DNM2: variants seen among roughly 807,000 people sequenced by gnomAD.
The protein encoded by DNM2 is dynamin 2.
DNM2 carries 15 observed loss-of-function variants against 99.0 expected under a neutral mutation model. The observed-to-expected ratio is 0.15, with a 90% CI of 0.10 to 0.23. The LOEUF (loss-of-function observed/expected upper bound fraction) is 0.23. DNM2 is among the 10% of genes least tolerant of loss of function. The pLI, the probability that DNM2 is intolerant of heterozygous loss-of-function variation, is 1.00. For missense variants in DNM2, 742 were observed against 1,189.4 expected, an observed-to-expected ratio of 0.62 and a Z score of 5.53; for synonymous variants, 525 against 481.2, an observed-to-expected ratio of 1.09 and a Z score of -1.19.
rs1390382505 is a variant in DNM2 at position 10,812,753 on chromosome 19, C to G, written c.1671+376C>G. ...AGTGAGCCGAGATTGCGCCACTGCA[C>G]TCCAGCCTGGGCGAGAGAGCGAGAC... On this transcript the variant is annotated intron_variant, in intron 15 of 20. Transcript: ENST00000389253. This position sits in a 1 kb window ranked among gnomAD's most constrained non-coding sequence, Gnocchi z 4.0. Among the ~76,000 whole-genome samples, 1 of 152,168 alleles carries G rather than the reference C, an allele frequency of 6.6e-6. No individual in the cohort carries two copies. The highest frequency in any genetic ancestry group is 1.5e-5 in the Non-Finnish European group (1 of 68,034).
chr19:10,785,974 T>C (rs1006932817), intron 6 of DNM2, among the ~76,000 whole-genome samples: 3 of 151,936 alleles, frequency 2.0e-5, no homozygotes, highest in African/African-American at 7.3e-5. Context: ...AATTTTTGTA[T>C]TTTTTGGTAG....
chr19:10,749,426 C>T (rs966437935), intron 1 of DNM2, among the ~76,000 whole-genome samples: 3 of 152,246 alleles, frequency 2.0e-5, no homozygotes, highest in African/African-American at 4.8e-5. Flanking sequence ...CTTCCTGGAG[C>T]GCTTATCCCC....
intron 15 of DNM2, among the ~76,000 whole-genome samples, chr19:10,819,503 C>T (rs1282847433): frequency 1.3e-5 from 2 of 152,186 alleles, no homozygotes; most frequent in Non-Finnish European, 2.9e-5. Flanking sequence ...GTTGTGCGTG[C>T]CGTCAGCCAC....
intron 5 of DNM2, among the ~76,000 whole-genome samples, chr19:10,779,357 A>G (rs985063483): frequency 1.3e-5 from 2 of 152,058 alleles, no homozygotes; most frequent in Middle Eastern, 3.4e-3. Flanking sequence ...CCCACTTTCA[A>G]CGTGCCCAGC....
chr19:10,788,092 G>A (rs920635418), intron 7 of DNM2, among the ~76,000 whole-genome samples: 7 of 152,008 alleles, frequency 4.6e-5, no homozygotes, highest in Non-Finnish European at 1.0e-4. Context: ...AATTAGCCAG[G>A]TGTGGTGGCA....
At chr19:10,822,834 C>T (rs1271836228) in intron 16 of DNM2, among the ~76,000 whole-genome samples, 1 of 143,770 alleles carries the variant, frequency 7.0e-6, no homozygotes, top group South Asian at 2.6e-4. Context: ...AGGCCGGGCA[C>T]GGGGGCTCAC....
intron 1 of DNM2, among the ~76,000 whole-genome samples, chr19:10,759,035 G>A (rs975865460): frequency 2.0e-5 from 3 of 151,878 alleles, no homozygotes; most frequent in East Asian, 1.9e-4. Context: ...TCAGCCTCCC[G>A]GGCTCATGCC....
rs2072467719 is a variant in DNM2, at chr19:10,809,549, G to A, written c.1557+969G>A. ...CCAGTGTGGGGCGTGAGATGGGCGT[G>A]AGGCCCAGTCCAGCCCAGCCCAGCG... On this transcript the variant is annotated intron_variant, in intron 14 of 20. Transcript: ENST00000389253. 2.0e-5 allele frequency: 3 copies of A among 152,468 alleles called. No homozygotes were observed. In the South Asian group the frequency reaches 6.2e-4, roughly 31 times the overall value. 9.4% of individuals were successfully genotyped at this position (152,468 alleles called of 1,614,324 possible).
chr19:10,794,344 C>CGT (rs58263525), intron 8 of DNM2, among the ~76,000 whole-genome samples: 8,645 of 141,620 alleles, frequency 0.061, 304 homozygotes, highest in African/African-American at 0.077. Context: ...CTTCTTTTTC[C>CGT]GTGTGTGTGT....
rs1463156181 is a variant in DNM2 at position 10,811,629 on chromosome 19, T to C, written c.1558-635T>C. On this transcript the variant is annotated intron_variant, in intron 14 of 20. Transcript: ENST00000389253. This position sits in a 1 kb window ranked among gnomAD's most constrained non-coding sequence, Gnocchi z 5.4. ...ACATGCCTCCAGCGGCCAGGGAGCA[T>C]GGGAGCACAGCCCCCAGGCTGCCTG... 4.2e-6 allele frequency: 2 copies of C among 475,320 alleles called. No homozygotes were observed. The highest frequency in any genetic ancestry group is 3.9e-5 in the African/African-American group (2 of 50,844). 29.4% of individuals were successfully genotyped at this position (475,320 alleles called of 1,614,324 possible). A position where few individuals can be genotyped will look rare whatever the true frequency, so the allele number is the denominator to read the frequency against.
At chr19:10,797,623 TC>T in intron 10 of DNM2, 105 bp downstream of exon 10, 2 of 1,550,404 alleles carry the variant, frequency 1.3e-6, no homozygotes, top group Non-Finnish European at 1.8e-6. Flanking sequence ...GGAACCCCCT[TC>T]CGCCTACCAG....
intron 2 of DNM2, among the ~76,000 whole-genome samples, chr19:10,767,340 C>T (rs1268802476): frequency 6.6e-6 from 1 of 152,194 alleles, no homozygotes; most frequent in Non-Finnish European, 1.5e-5. Context: ...GGTCTCTGGC[C>T]TCCCCTTGTC....
intron 1 of DNM2, among the ~76,000 whole-genome samples, chr19:10,731,439 A>G (rs2069313308): frequency 7.1e-6 from 1 of 141,050 alleles, no homozygotes; most frequent in Non-Finnish European, 1.5e-5. Context: ...TGCAACCTCC[A>G]CCTCCTGGGT....
At chr19:10,757,943 CAAAAAAAAAAAA>C (rs762600168) in intron 1 of DNM2, among the ~76,000 whole-genome samples, 1 of 65,420 alleles carries the variant, frequency 1.5e-5, no homozygotes, top group Non-Finnish European at 3.4e-5. Flanking sequence ...AGCTCTGTCT[CAAAAAAAAAAAA>C]AAAAAAAAAA....
At chr19:10,747,546 G>A (rs1359256192) in intron 1 of DNM2, among the ~76,000 whole-genome samples, 5 of 152,146 alleles carry the variant, frequency 3.3e-5, no homozygotes, top group African/African-American at 1.2e-4. Context: ...TGGGAATGTT[G>A]GGGAGGAGTG....
At position 10,820,159 on chromosome 19, in the gene DNM2, TC is replaced by T. The variant is rs2072926715; in HGVS notation, c.1781+71del. On this transcript the variant is annotated intron_variant, in intron 16 of 20. Coordinates refer to ENST00000389253, the MANE Select transcript of DNM2 (RefSeq NM_001005361.3). The surrounding 1 kb of genome is among the most constrained non-coding windows in gnomAD (Gnocchi z 4.3). ...TGGCCTCATTCACACTCCACAACCT[TC>T]ACTGAGCACTGAGCACCTGGCTGTC... The T allele has an allele frequency of 6.8e-7, 1 of 1,469,384 alleles. No individual in the cohort carries two copies. The highest frequency in any genetic ancestry group is 1.4e-5 in the African/African-American group (1 of 71,346). The allele number at this position is 1,469,384 out of a possible 1,614,324, so 91.0% of individuals were successfully genotyped here.
chr19:10,759,726 C>T lies in DNM2; in HGVS notation c.162-12C>T, dbSNP rs746299224. ...CGCAAGAGTAATTTCTGTCCCTCTC[C>T]CCCCCTCACAGGGACTTCCTTCCCC... On this transcript the variant is annotated splice_polypyrimidine_tract_variant and intron_variant, in intron 1 of 20. Coordinates refer to ENST00000389253, the MANE Select transcript of DNM2 (RefSeq NM_001005361.3). 15 of 1,613,976 alleles carry T rather than the reference C, an allele frequency of 9.3e-6. No individual in the cohort carries two copies. The highest frequency in any genetic ancestry group is 1.7e-5 in the Admixed American group (1 of 59,992).
chr19:10,767,626 C>G (rs1057084922), intron 2 of DNM2, among the ~76,000 whole-genome samples: 2 of 151,798 alleles, frequency 1.3e-5, no homozygotes, highest in Non-Finnish European at 2.9e-5. Context: ...CTCTATTGGG[C>G]TGGGCATGAT....
intron 16 of DNM2, among the ~76,000 whole-genome samples, chr19:10,821,492 T>G (rs957824744): frequency 6.6e-6 from 1 of 152,082 alleles, no homozygotes; most frequent in African/African-American, 2.4e-5. Flanking sequence ...CCACCTGATA[T>G]GCAGAAGCCG....
Sources: allele counts gnomAD v4.1 joint callset (sites outside exome capture counted in the v4.1 genomes callset), GRCh38; gene constraint gnomAD v4.1.1; non-coding constraint Gnocchi (gnomAD v3.1); transcripts MANE v1.5; gene names NCBI Gene and HGNC (gene_info 2026-07-23, HGNC 2026-07-21).